PCDHGB3: variants seen among roughly 807,000 people sequenced by gnomAD.
PCDHGB3 encodes the protein protocadherin gamma subfamily B, 3.
PCDHGB3 carries 40 observed loss-of-function variants against 59.2 expected under a neutral mutation model. That is an observed-to-expected ratio of 0.68 (90% CI 0.52 to 0.88). The LOEUF (loss-of-function observed/expected upper bound fraction) is 0.88. Ranked by LOEUF, PCDHGB3 falls within the 40% of genes least tolerant of loss-of-function variation. The probability of loss-of-function intolerance (pLI) is 0.00; values close to 1 mark genes in which losing one functional copy is unlikely to be tolerated. For missense variants in PCDHGB3, 1,309 were observed against 1,187.9 expected (o/e 1.10, Z -1.50); for synonymous variants, 581 against 503.6 (o/e 1.15, Z -2.06).
chr5:141,446,087 A>G (rs2154561251), intron 1 of PCDHGB3, among the ~76,000 whole-genome samples: 1 of 152,370 alleles, frequency 6.6e-6, no homozygotes, highest in Non-Finnish European at 1.5e-5. Flanking sequence ...GTAGAAATAA[A>G]TGGATGAATT....
chr5:141,424,005 C>A, intron 1 of PCDHGB3: 1 of 1,070,322 alleles, frequency 9.3e-7, no homozygotes. Context: ...TATATAGATA[C>A]AAATTAATGA....
intron 1 of PCDHGB3, chr5:141,410,854 T>C: frequency 2.6e-6 from 1 of 387,418 alleles, no homozygotes; most frequent in Non-Finnish European, 4.2e-6. Flanking sequence ...TTTGTCTTTT[T>C]TTTTTTTTTT....
At chr5:141,499,399 C>A (rs2099791676) in intron 2 of PCDHGB3, among the ~76,000 whole-genome samples, 1 of 152,072 alleles carries the variant, frequency 6.6e-6, no homozygotes, top group Non-Finnish European at 1.5e-5. Flanking sequence ...ATAGTACATG[C>A]TCATTATAGA....
Position 141,491,844 on chromosome 5 carries a change from G to A in PCDHGB3, c.2416-2963G>A. On this transcript the variant is annotated intron_variant, in intron 1 of 3. Transcript: ENST00000576222. The surrounding 1 kb of genome is among the most constrained non-coding windows in gnomAD (Gnocchi z 6.9). ...GCTCCACCCGATTCTCGGGATCATT[G>A]GACCGTTTGCGCGAAACCAGAGTGG... 1 of 1,464,184 alleles carries A rather than the reference G, an allele frequency of 6.8e-7. No homozygotes were observed. 90.7% of individuals were successfully genotyped at this position (1,464,184 alleles called of 1,614,324 possible).
chr5:141,417,644 AG>A, intron 1 of PCDHGB3: 1 of 779,202 alleles, frequency 1.3e-6, no homozygotes, highest in South Asian at 2.1e-5. Flanking sequence ...GGGATCCCTC[AG>A]CCTCTAGCCT....
At chr5:141,382,123 T>C (rs1431842426) in intron 1 of PCDHGB3, among the ~76,000 whole-genome samples, 1 of 152,126 alleles carries the variant, frequency 6.6e-6, no homozygotes, top group Non-Finnish European at 1.5e-5. Context: ...CAACAGCACC[T>C]GGCCCCCCCT....
At position 141,486,783 on chromosome 5, in the gene PCDHGB3, C is replaced by A. The variant is rs905423670; in HGVS notation, c.2416-8024C>A. ...CAGACACTGCAGTTTGAGGTGCAGG[C>A]CCGGGATCGGGGCAACCCACCCCTT... On this transcript the variant is annotated intron_variant, in intron 1 of 3. Transcript: ENST00000576222. The surrounding 1 kb of genome is among the most constrained non-coding windows in gnomAD (Gnocchi z 5.0). 6.2e-7 allele frequency: 1 copy of A among 1,614,102 alleles called. No homozygotes were observed.
rs1477359818 is a variant in PCDHGB3, at chr5:141,397,350, G to A, written c.2415+24541G>A. 3.9e-5 allele frequency among the ~76,000 whole-genome samples: 6 copies of A among 152,268 alleles called. No individual in the cohort carries two copies. In the East Asian group the frequency reaches 9.6e-4, roughly 24 times the overall value. On this transcript the variant is annotated intron_variant, in intron 1 of 3. Coordinates refer to ENST00000576222, the MANE Select transcript of PCDHGB3 (RefSeq NM_018924.5). ...TATTTTTATAAAGAATGTTAATATA[G>A]TCAGGAAGAGGAGATGTTTGGGGAT... is the stretch of plus-strand genomic sequence containing the variant.
chr5:141,418,875 A>G (rs2097697666), intron 1 of PCDHGB3: 1 of 1,613,926 alleles, frequency 6.2e-7, no homozygotes, highest in African/African-American at 1.3e-5. Flanking sequence ...GAAGTTGTAG[A>G]CGAAAACGAC....
intron 1 of PCDHGB3, chr5:141,393,707 T>A: frequency 6.2e-7 from 1 of 1,613,882 alleles, no homozygotes; most frequent in African/African-American, 1.3e-5. Flanking sequence ...ATGAAAATAC[T>A]GGGGAAATAT....
intron 1 of PCDHGB3, among the ~76,000 whole-genome samples, chr5:141,452,299 A>G (rs2098738116): frequency 6.6e-6 from 1 of 152,176 alleles, no homozygotes; most frequent in African/African-American, 2.4e-5. Flanking sequence ...ATAAGAAAAT[A>G]TTAGAGACTC....
chr5:141,431,709 T>C lies in PCDHGB3; in HGVS notation c.2415+58900T>C. On this transcript the variant is annotated intron_variant, in intron 1 of 3. Coordinates refer to ENST00000576222, the MANE Select transcript of PCDHGB3 (RefSeq NM_018924.5). This position sits in a 1 kb window ranked among gnomAD's most constrained non-coding sequence, Gnocchi z 4.8. ...CACGAGGAGTCAGGATTCTACCAGA[T>C]GGAAGTGCAAGCAATGGATAATGCA... The C allele has an allele frequency of 6.2e-7, 1 of 1,614,168 alleles. No individual in the cohort carries two copies. Among genetic ancestry groups the C allele is most frequent in the Non-Finnish European group, 8.5e-7 (1 of 1,180,018 alleles).
intron 1 of PCDHGB3, chr5:141,379,443 G>A (rs995348151): frequency 2.6e-5 from 4 of 152,168 alleles, no homozygotes; most frequent in African/African-American, 9.7e-5. Flanking sequence ...TTATACATAT[G>A]ATTATTTCAT....
chr5:141,432,918 A>C lies in PCDHGB3; in HGVS notation c.2415+60109A>C. ...CTGGCGCTCAGGCTGCGGCGCTGGC[A>C]CAAGTCACGCCTGCTGCAGGCTTCA... On this transcript the variant is annotated intron_variant, in intron 1 of 3. Coordinates refer to ENST00000576222, the MANE Select transcript of PCDHGB3 (RefSeq NM_018924.5). This position sits in a 1 kb window ranked among gnomAD's most constrained non-coding sequence, Gnocchi z 6.0. 1 of 1,614,128 alleles carries C rather than the reference A, an allele frequency of 6.2e-7. No homozygotes were observed. Among genetic ancestry groups the C allele is most frequent in the South Asian group, 1.1e-5 (1 of 91,082 alleles).
chr5:141,387,422 TA>T (rs1406219674), intron 1 of PCDHGB3, among the ~76,000 whole-genome samples: 1 of 152,248 alleles, frequency 6.6e-6, no homozygotes, highest in Non-Finnish European at 1.5e-5. Context: ...CTTATGTCAA[TA>T]AATGTTTATG....
intron 1 of PCDHGB3, chr5:141,478,523 G>T (rs2099461821): frequency 6.2e-7 from 1 of 1,609,908 alleles, no homozygotes; most frequent in Non-Finnish European, 8.5e-7. Context: ...GGTGTTGGGT[G>T]CAGAGAGCGC....
rs1050545030 is a variant in PCDHGB3, at chr5:141,410,711, A to G, written c.2415+37902A>G. The G allele has an allele frequency of 4.2e-6, 6 of 1,436,568 alleles. No individual in the cohort carries two copies. In the African/African-American group the frequency reaches 7.6e-5, roughly 18 times the overall value. The allele number at this position is 1,436,568 out of a possible 1,614,324, so 89.0% of individuals were successfully genotyped here. A position where few individuals can be genotyped will look rare whatever the true frequency, so the allele number is the denominator to read the frequency against. ...CTACTTTATTTTCATATCTAGAATC[A>G]TATGTTTAAAATCCATAGCTTTTTA... On this transcript the variant is annotated intron_variant, in intron 1 of 3. Transcript: ENST00000576222.
chr5:141,408,488 T>C lies in PCDHGB3; in HGVS notation c.2415+35679T>C, dbSNP rs199936765. ...GAACCGAATAGACCGTGAGCAAATA[T>C]GCAAAGAGAGAAGAAGATGTGAGTT... On this transcript the variant is annotated intron_variant, in intron 1 of 3. Transcript: ENST00000576222. The C allele has an allele frequency of 8.1e-6, 13 of 1,613,894 alleles. No individual in the cohort carries two copies. The highest frequency in any genetic ancestry group is 4.0e-5 in the African/African-American group (3 of 74,922).
rs530404769 is a variant in PCDHGB3, at chr5:141,423,267, G to C, written c.2415+50458G>C. On this transcript the variant is annotated intron_variant, in intron 1 of 3. Coordinates refer to ENST00000576222, the MANE Select transcript of PCDHGB3 (RefSeq NM_018924.5). ...TCCTGGCGGACCTCGGCAGCCTCGA[G>C]TCTCTGGCTAACTCTGAAACCTCAG... The C allele has an allele frequency of 2.5e-6, 4 of 1,613,710 alleles. No individual in the cohort carries two copies. In the South Asian group the frequency reaches 4.4e-5, roughly 18 times the overall value.
Sources: allele counts gnomAD v4.1 joint callset (sites outside exome capture counted in the v4.1 genomes callset), GRCh38; gene constraint gnomAD v4.1.1; non-coding constraint Gnocchi (gnomAD v3.1); transcripts MANE v1.5; gene names NCBI Gene and HGNC (gene_info 2026-07-23, HGNC 2026-07-21).